DKK3: variants seen among roughly 807,000 people sequenced by gnomAD.
The protein encoded by DKK3 is dickkopf-related protein 3.
DKK3 carries 22 observed loss-of-function variants against 33.2 expected under a neutral mutation model. The observed-to-expected ratio is 0.66, with a 90% CI of 0.47 to 0.95. The LOEUF (loss-of-function observed/expected upper bound fraction) is 0.95, where lower values mean the gene tolerates loss of function less well. DKK3 is among the 40% of genes least tolerant of loss of function. The pLI is 0.00. For synonymous variants in DKK3, 194 were observed against 188.8 expected, an observed-to-expected ratio of 1.03 and a Z score of -0.23; for missense variants, 398 against 458.4, an observed-to-expected ratio of 0.87 and a Z score of 1.20.
intron 3 of DKK3, among the ~76,000 whole-genome samples, chr11:11,980,695 G>A (rs899229957): frequency 6.6e-6 from 1 of 152,068 alleles, no homozygotes; most frequent in African/African-American, 2.4e-5. Flanking sequence ...CCAGTCCTGA[G>A]TACCCACCCC....
rs188439232 is a variant in DKK3 at position 11,963,849 on chromosome 11, C to T, written c.*615G>A. ...TGGACGAGGAGAACAATGACCCCCTCCCCAGGCTGTGCTGAGAGAGGGAAT... is the reference window on the plus strand; with the variant it reads ...TGGACGAGGAGAACAATGACCCCCTTCCCAGGCTGTGCTGAGAGAGGGAAT... On this transcript the variant is annotated 3_prime_UTR_variant, in exon 7 of 7. Coordinates refer to ENST00000683431, the MANE Select transcript of DKK3 (RefSeq NM_001018057.2). 162 of 153,398 alleles carry T rather than the reference C, an allele frequency of 1.1e-3. No homozygotes were observed. Among genetic ancestry groups the T allele is most frequent in the Non-Finnish European group, 2.0e-3 (135 of 68,574 alleles). The allele number at this position is 153,398 out of a possible 1,614,324, so 9.5% of individuals were successfully genotyped here.
intron 3 of DKK3, among the ~76,000 whole-genome samples, chr11:11,970,143 C>T (rs72857653): frequency 0.12 from 18,196 of 152,082 alleles, 1,426 homozygotes; most frequent in Middle Eastern, 0.38. Context: ...GTGGGAGGGA[C>T]GACATTTGGG....
intron 3 of DKK3, among the ~76,000 whole-genome samples, chr11:11,975,465 G>T (rs999530180): frequency 2.0e-5 from 3 of 152,236 alleles, no homozygotes; most frequent in African/African-American, 7.2e-5. Flanking sequence ...CACCCTGGGG[G>T]TGGTGTGGTC....
rs745764456 is a variant in DKK3 at position 12,008,325 on chromosome 11, C to T, written c.213+45G>A. On this transcript the variant is annotated intron_variant, in intron 1 of 6. Transcript: ENST00000683431. This position sits in a 1 kb window ranked among gnomAD's most constrained non-coding sequence, Gnocchi z 4.6. ...ATGCCTTCCCAGACTTCGCTGCCCC[C>T]AGTCTGGCGCTTCTCAGAGCCCCGC... 15 of 1,568,324 alleles carry T rather than the reference C, an allele frequency of 9.6e-6. 1 individual carries two copies. In the Admixed American group the frequency reaches 1.2e-4, roughly 13 times the overall value.
chr11:12,009,462 C>G (rs1447890677), upstream of DKK3: 1 of 895,940 alleles, frequency 1.1e-6, no homozygotes, highest in Middle Eastern at 5.6e-4. Context: ...CCGGCCACCT[C>G]ACGCCCCACG....
chr11:11,998,041 T>C (rs1280078538), intron 3 of DKK3, among the ~76,000 whole-genome samples: 1 of 152,200 alleles, frequency 6.6e-6, no homozygotes, highest in African/African-American at 2.4e-5. Flanking sequence ...TGAAGTGCAG[T>C]TGAGCCACCT....
intron 3 of DKK3, among the ~76,000 whole-genome samples, chr11:11,995,248 T>TTTTTTA (rs1358747234): frequency 6.6e-6 from 1 of 152,060 alleles, no homozygotes; most frequent in Non-Finnish European, 1.5e-5. Context: ...CCCGGCTAAT[T>TTTTTTA]TTTTTTATTT....
intron 6 of DKK3, among the ~76,000 whole-genome samples, chr11:11,965,246 G>A (rs1037796989): frequency 6.6e-6 from 1 of 152,250 alleles, no homozygotes; most frequent in African/African-American, 2.4e-5. Context: ...GTGAGCCACT[G>A]CACAGAGCCG....
At chr11:11,980,443 A>G (rs1250619589) in intron 3 of DKK3, among the ~76,000 whole-genome samples, 1 of 152,140 alleles carries the variant, frequency 6.6e-6, no homozygotes. Flanking sequence ...TACTCCAGCA[A>G]CCATGACCTG....
intron 4 of DKK3, among the ~76,000 whole-genome samples, chr11:11,967,862 T>A (rs536086266): frequency 1.3e-5 from 2 of 152,210 alleles, no homozygotes; most frequent in Admixed American, 1.3e-4. Flanking sequence ...TGCCCTCTCT[T>A]ATTGGCAGAT....
rs1017304712 is a variant in DKK3 at position 11,964,179 on chromosome 11, G to C, written c.*285C>G. 21 of 436,072 alleles carry C rather than the reference G, an allele frequency of 4.8e-5. No individual in the cohort carries two copies. The highest frequency in any genetic ancestry group is 7.8e-5 in the Non-Finnish European group (19 of 243,754). 27.0% of individuals were successfully genotyped at this position (436,072 alleles called of 1,614,324 possible). A position where few individuals can be genotyped will look rare whatever the true frequency, so the allele number is the denominator to read the frequency against. On this transcript the variant is annotated 3_prime_UTR_variant, in exon 7 of 7. Coordinates refer to ENST00000683431, the MANE Select transcript of DKK3 (RefSeq NM_001018057.2). ...TCAAAGCCATGTAGAACAAACGGCT[G>C]TCTGCCAACTGGTAGAGGCAAAGCA...
chr11:11,968,301 G>T, intron 4 of DKK3, 94 bp downstream of exon 4: 1 of 1,189,386 alleles, frequency 8.4e-7, no homozygotes, highest in South Asian at 1.5e-5. Flanking sequence ...AGGCTCTTCT[G>T]GGAAGCCCAG....
chr11:12,008,655 G>T (rs1414341976), upstream of DKK3: 4 of 1,265,566 alleles, frequency 3.2e-6, no homozygotes, highest in African/African-American at 4.7e-5. The surrounding 1 kb of genome is among the most constrained non-coding windows in gnomAD (Gnocchi z 4.6). Context: ...CACCCCCCTC[G>T]CTGGGCCCGC....
intron 3 of DKK3, among the ~76,000 whole-genome samples, chr11:11,978,311 G>T (rs1847877939): frequency 6.6e-6 from 1 of 152,136 alleles, no homozygotes; most frequent in African/African-American, 2.4e-5. Flanking sequence ...GGGAAGCACT[G>T]CCCTTCCTCC....
chr11:11,985,610 T>C (rs1848054108), intron 3 of DKK3, among the ~76,000 whole-genome samples: 1 of 152,200 alleles, frequency 6.6e-6, no homozygotes, highest in Non-Finnish European at 1.5e-5. Flanking sequence ...GACAGACTTA[T>C]TTGGAAATAA....
At chr11:11,998,666 G>A (rs778138276) in intron 3 of DKK3, 30 bp downstream of exon 3, 1 of 1,583,748 alleles carries the variant, frequency 6.3e-7, no homozygotes, top group South Asian at 1.1e-5. Context: ...AGTGTGTCGG[G>A]GTGCAAGTAC....
In DKK3 at chr11:12,002,417, A is replaced by G. The variant is rs964970925; in HGVS notation, c.234T>C (p.Ala78=). 3 of 1,613,674 alleles carry G rather than the reference A, an allele frequency of 1.9e-6. No individual in the cohort carries two copies. The highest frequency in any genetic ancestry group is 2.5e-6 in the Non-Finnish European group (3 of 1,179,836). Residue 78 remains alanine (A), a synonymous_variant, in exon 2 of 7, where the codon GCT becomes GCC. Coordinates refer to ENST00000683431, the MANE Select transcript of DKK3 (RefSeq NM_001018057.2). ...GGTTCACTTCTGATGATGCTTTAGC[A>G]GCAGCTTCTTCTGCCTCCATCTATT... is the stretch of plus-strand genomic sequence containing the variant. ...AVEEMEAEEA[A]AKASSEVNLA...
At chr11:11,975,351 C>G (rs1847810978) in intron 3 of DKK3, among the ~76,000 whole-genome samples, 1 of 152,194 alleles carries the variant, frequency 6.6e-6, no homozygotes, top group Non-Finnish European at 1.5e-5. Flanking sequence ...GGGACCAGAA[C>G]AGCGTCTCTT....
chr11:11,985,482 A>G (rs1292057642), intron 3 of DKK3, among the ~76,000 whole-genome samples: 2 of 152,252 alleles, frequency 1.3e-5, no homozygotes, highest in African/African-American at 4.8e-5. Context: ...GGTGATAAGT[A>G]TGACCACATT....
Sources: gnomAD v4.1 joint callset for allele counts (sites outside exome capture counted in the v4.1 genomes callset) on GRCh38, gnomAD v4.1.1 for gene constraint, Gnocchi (gnomAD v3.1) non-coding constraint, MANE v1.5 for transcripts, NCBI Gene and HGNC (gene_info 2026-07-23, HGNC 2026-07-21) for gene names.